Variants in DESI1 observed in about 807,000 individuals in gnomAD.
DESI1 encodes the protein PPPDE peptidase domain containing 2.
In DESI1, 17 loss-of-function variants were observed where a neutral mutation model predicts 22.4. The observed-to-expected ratio is 0.76, with a 90% confidence interval of 0.52 to 1.14. The LOEUF (loss-of-function observed/expected upper bound fraction) is 1.14, where lower values mean the gene tolerates loss of function less well. DESI1 is among the 50% of genes most tolerant of loss of function. DESI1 has a pLI of 0.00. For missense variants in DESI1, 177 were observed against 208.9 expected, an observed-to-expected ratio of 0.85 and a Z score of 0.94; for synonymous variants, 92 against 84.2, an observed-to-expected ratio of 1.09 and a Z score of -0.51.
chr22:41,612,514 G>GAAAAA (rs132766), intron 1 of DESI1, among the ~76,000 whole-genome samples: 1 of 134,376 alleles, frequency 7.4e-6, no homozygotes, highest in African/African-American at 2.9e-5. Context: ...CTCAAAAAAA[G>GAAAAA]AAAAAAAAAA....
intron 1 of DESI1, among the ~76,000 whole-genome samples, chr22:41,614,020 A>T (rs946019419): frequency 6.6e-6 from 1 of 151,922 alleles, no homozygotes; most frequent in Non-Finnish European, 1.5e-5. Context: ...TAGAAAAAAG[A>T]TCCCCTTATT....
intron 1 of DESI1, among the ~76,000 whole-genome samples, chr22:41,609,136 T>A (rs1457558784): frequency 6.6e-6 from 1 of 152,068 alleles, no homozygotes; most frequent in Non-Finnish European, 1.5e-5. Flanking sequence ...GAGACAGGAT[T>A]TTGCCATGTC....
chr22:41,606,993 G>A (rs1381579986), intron 3 of DESI1, among the ~76,000 whole-genome samples: 1 of 151,976 alleles, frequency 6.6e-6, no homozygotes, highest in South Asian at 2.1e-4. Flanking sequence ...GTCTCAGCTC[G>A]CAAGGAGCTT....
At chr22:41,602,610 G>A in intron 5 of DESI1, 1 of 986,620 alleles carries the variant, frequency 1.0e-6, no homozygotes, top group Non-Finnish European at 1.2e-6. Context: ...AGCAGAGGCT[G>A]CCTGAATGCA....
chr22:41,619,059 G>A lies in DESI1; in HGVS notation c.88+1693C>T, dbSNP rs142585879. Among the ~76,000 whole-genome samples, 225 of 150,228 alleles carry A rather than the reference G, an allele frequency of 1.5e-3. 3 individuals carry two copies. In the East Asian group the frequency reaches 0.028, roughly 19 times the overall value. On this transcript the variant is annotated intron_variant, in intron 1 of 5. Coordinates refer to ENST00000263256, the MANE Select transcript of DESI1 (RefSeq NM_015704.3). ...AGCATGGGTGACAGAGCGAGACTCC[G>A]TCTCAAAAAAAAAAACCAACAAAAA...
At chr22:41,608,765 C>G (rs1048903957) in intron 1 of DESI1, among the ~76,000 whole-genome samples, 1 of 152,026 alleles carries the variant, frequency 6.6e-6, no homozygotes, top group South Asian at 2.1e-4. Context: ...AGAGAGCAGA[C>G]CAAGCAGACC....
rs71184819 is a variant in DESI1 at position 41,610,080 on chromosome 22, TAAAAA to T, written c.89-2224_89-2220del. Among the ~76,000 whole-genome samples, 11 of 115,604 alleles carry T rather than the reference TAAAAA, an allele frequency of 9.5e-5. No homozygotes were observed. The East Asian group carries it at 2.5e-3, about 27-fold the overall frequency. 75.8% of individuals were successfully genotyped at this position (115,604 alleles called of 152,430 possible). A position where few individuals can be genotyped will look rare whatever the true frequency, so the allele number is the denominator to read the frequency against. On this transcript the variant is annotated intron_variant, in intron 1 of 5. Transcript: ENST00000263256. ...GGGCAACAAGAGCAAAACTCTATCT[TAAAAA>T]AAAAAAAAAAAAAAGACAAGGTACG...
chr22:41,610,110 G>C (rs1463445671), intron 1 of DESI1, among the ~76,000 whole-genome samples: 1 of 148,662 alleles, frequency 6.7e-6, no homozygotes, highest in Non-Finnish European at 1.5e-5. Flanking sequence ...GACAAGGTAC[G>C]GTGGCTCACG....
intron 3 of DESI1, among the ~76,000 whole-genome samples, chr22:41,605,746 CTG>C (rs2067475534): frequency 6.6e-6 from 1 of 152,098 alleles, no homozygotes; most frequent in African/African-American, 2.4e-5. Context: ...GGAAGGGAAA[CTG>C]AAAAATCCCC....
In DESI1 at chr22:41,603,290, T is replaced by C; in HGVS notation, c.382A>G (p.Ile128Val). Reference protein sequence around the residue: ...FLTGRKIPSYITDLPSEVLST... With the variant: ...FLTGRKIPSYVTDLPSEVLST... ...AGAACTTCAGAGGGCAGGTCTGTGA[T>C]GTAAGAAGGAATCTTCCGCCCAGTC... is the stretch of plus-strand genomic sequence containing the variant. Residue 128 changes from isoleucine to valine, a missense_variant, in exon 5 of 6, where the codon ATC becomes GTC. Coordinates refer to ENST00000263256, the MANE Select transcript of DESI1 (RefSeq NM_015704.3). 6.2e-7 allele frequency: 1 copy of C among 1,614,252 alleles called. No individual in the cohort carries two copies. Among genetic ancestry groups the C allele is most frequent in the Non-Finnish European group, 8.5e-7 (1 of 1,180,046 alleles).
At chr22:41,605,019 T>C (rs1482687447) in intron 3 of DESI1, among the ~76,000 whole-genome samples, 1 of 152,208 alleles carries the variant, frequency 6.6e-6, no homozygotes, top group Non-Finnish European at 1.5e-5. Context: ...ACCCAGAATC[T>C]GAAGTCTACT....
chr22:41,620,464 C>T (rs11704873), intron 1 of DESI1, among the ~76,000 whole-genome samples: 1 of 152,136 alleles, frequency 6.6e-6, no homozygotes, highest in Non-Finnish European at 1.5e-5. Flanking sequence ...ACACCCTCGT[C>T]GAAGGGGCTC....
chr22:41,602,858 C>A, intron 5 of DESI1: 1 of 1,016,458 alleles, frequency 9.8e-7, no homozygotes, highest in South Asian at 2.6e-5. Context: ...TAAGGCAAAT[C>A]AACAGCTACA....
chr22:41,618,685 C>T (rs1166807268), intron 1 of DESI1, among the ~76,000 whole-genome samples: 4 of 152,054 alleles, frequency 2.6e-5, no homozygotes, highest in African/African-American at 4.8e-5. Flanking sequence ...GGAGGTTTTA[C>T]GTGGGGTATA....
chr22:41,619,315 T>G (rs913507155), intron 1 of DESI1, among the ~76,000 whole-genome samples: 7 of 152,176 alleles, frequency 4.6e-5, no homozygotes, highest in African/African-American at 1.4e-4. Context: ...AGCCTTAGAA[T>G]CCATATAATT....
Position 41,607,349 on chromosome 22 carries a change from A to G in DESI1, c.111-18T>C. 1 of 1,595,468 alleles carries G rather than the reference A, an allele frequency of 6.3e-7. No individual in the cohort carries two copies. The stretch of plus-strand genomic sequence containing the variant: ...ATGTGTGCCTGTCACACAGAGAGAG[A>G]CACAGTAAGCCAGAAAACTTAAACT... On this transcript the variant is annotated intron_variant, in intron 2 of 5. Transcript: ENST00000263256.
At chr22:41,607,773 A>G in intron 2 of DESI1, 67 bp downstream of exon 2, 1 of 1,581,272 alleles carries the variant, frequency 6.3e-7, no homozygotes, top group African/African-American at 1.3e-5. Flanking sequence ...ACAGACTAGA[A>G]CCTGAAATGC....
At chr22:41,603,098 T>G in intron 5 of DESI1, 161 bp downstream of exon 5, 1 of 1,068,524 alleles carries the variant, frequency 9.4e-7, no homozygotes, top group Non-Finnish European at 1.4e-6. Context: ...CAGGTGCGCA[T>G]CAGTGGGTGG....
chr22:41,604,861 C>A (rs553551596), intron 3 of DESI1, among the ~76,000 whole-genome samples: 1 of 152,250 alleles, frequency 6.6e-6, no homozygotes, highest in Non-Finnish European at 1.5e-5. Context: ...TGGCTTAGAG[C>A]TTTCTGGTCA....
Sources: gnomAD v4.1 joint callset for allele counts (sites outside exome capture counted in the v4.1 genomes callset) on GRCh38, gnomAD v4.1.1 for gene constraint, MANE v1.5 for transcripts, NCBI Gene and HGNC (gene_info 2026-07-23, HGNC 2026-07-21) for gene names.